Variants in PLPPR2 observed in about 807,000 individuals in gnomAD.
PLPPR2 encodes phospholipid phosphatase related 2.
A neutral mutation model predicts 40.3 loss-of-function variants in PLPPR2; 11 were observed. The observed-to-expected ratio is 0.27, with a 90% confidence interval of 0.17 to 0.45. The LOEUF is 0.45. Ranked by LOEUF, PLPPR2 falls within the 20% of genes least tolerant of loss-of-function variation. The probability of loss-of-function intolerance (pLI) is 1.00; values close to 1 mark genes in which losing one functional copy is unlikely to be tolerated. For missense variants in PLPPR2, 497 were observed against 640.7 expected, an observed-to-expected ratio of 0.78 and a Z score of 2.42; for synonymous variants, 260 against 290.8, an observed-to-expected ratio of 0.89 and a Z score of 1.08.
chr19:11,362,832 C>T lies in PLPPR2; in HGVS notation c.840+143C>T, dbSNP rs2144677963. On this transcript the variant is annotated intron_variant, in intron 7 of 9. Coordinates refer to ENST00000688289, the MANE Select transcript of PLPPR2 (RefSeq NM_001393892.1). The surrounding 1 kb of genome is among the most constrained non-coding windows in gnomAD (Gnocchi z 5.3). ...TAACATTACCCTTCCTGGATATTCT[C>T]ATCTGTGAAATGAGATACCAGGATC... The T allele has an allele frequency of 4.1e-6, 4 of 985,480 alleles. No individual in the cohort carries two copies. The highest frequency in any genetic ancestry group is 2.9e-5 in the Admixed American group (1 of 34,770). 61.0% of individuals were successfully genotyped at this position (985,480 alleles called of 1,614,324 possible).
At chr19:11,358,728 CTTTT>C (rs942291776) in intron 3 of PLPPR2, among the ~76,000 whole-genome samples, 14 of 136,958 alleles carry the variant, frequency 1.0e-4, no homozygotes, top group Non-Finnish European at 1.7e-4. Flanking sequence ...CTCTTTCTTT[CTTTT>C]GTGATGGAGT....
rs141461086 is a variant in PLPPR2, at chr19:11,359,841, G to A, written c.276G>A (p.Ala92=). 101 of 1,612,914 alleles carry A rather than the reference G, an allele frequency of 6.3e-5. No individual in the cohort carries two copies. The highest frequency in any genetic ancestry group is 1.9e-4 in the South Asian group (17 of 90,932). The change falls in exon 5 of 10, where the codon GCG becomes GCA. Residue 92 remains alanine, a synonymous_variant. Coordinates refer to ENST00000688289, the MANE Select transcript of PLPPR2 (RefSeq NM_001393892.1). The surrounding 1 kb of genome is among the most constrained non-coding windows in gnomAD (Gnocchi z 5.6). Reference sequence around the variant, plus strand: ...CACAGATCCTGCTGGGAGAGCTGGCGCGTGCCTTTTTCCCTGCACCACCTT... The same window carrying A: ...CACAGATCCTGCTGGGAGAGCTGGCACGTGCCTTTTTCCCTGCACCACCTT... ...PTLTILLGEL[A]RAFFPAPPSA...
chr19:11,359,651 G>T lies in PLPPR2; in HGVS notation c.186G>T (p.Gly62=). Reference sequence around the variant, plus strand: ...GTACCTACGCCAAGCCCTACCCAGGGCCTGAGGCTGCCAGCCGAGTGCCTC... The same window carrying T: ...GTACCTACGCCAAGCCCTACCCAGGTCCTGAGGCTGCCAGCCGAGTGCCTC... The part of the protein sequence containing the change: ...YDSTYAKPYP[G]PEAASRVPPA... Residue 62 remains glycine (G), a synonymous_variant, in exon 4 of 10, where the codon GGG becomes GGT. Coordinates refer to ENST00000688289, the MANE Select transcript of PLPPR2 (RefSeq NM_001393892.1). The surrounding 1 kb of genome is among the most constrained non-coding windows in gnomAD (Gnocchi z 5.6). 6.2e-7 allele frequency: 1 copy of T among 1,612,618 alleles called. No individual in the cohort carries two copies. Among genetic ancestry groups the T allele is most frequent in the Admixed American group, 1.7e-5 (1 of 59,794 alleles).
chr19:11,359,765 G>A lies in PLPPR2; in HGVS notation c.255+45G>A, dbSNP rs1967992271. The stretch of plus-strand genomic sequence containing the variant: ...CTAGGAGGCAGGTGGGCCGGTAAGG[G>A]TGGGTGAGGGGATGGGCTGGAAGGC... On this transcript the variant is annotated intron_variant, in intron 4 of 9. Coordinates refer to ENST00000688289, the MANE Select transcript of PLPPR2 (RefSeq NM_001393892.1). The surrounding 1 kb of genome is among the most constrained non-coding windows in gnomAD (Gnocchi z 5.6). The A allele has an allele frequency of 6.3e-7, 1 of 1,584,010 alleles. No homozygotes were observed. The highest frequency in any genetic ancestry group is 1.7e-5 in the Admixed American group (1 of 58,778).
Position 11,362,480 on chromosome 19 carries a change from C to T in PLPPR2, c.664-33C>T, listed in dbSNP as rs775531909. 24 of 1,605,362 alleles carry T rather than the reference C, an allele frequency of 1.5e-5. No homozygotes were observed. The highest frequency in any genetic ancestry group is 2.2e-5 in the East Asian group (1 of 44,892). On this transcript the variant is annotated intron_variant, in intron 6 of 9. Transcript: ENST00000688289. The surrounding 1 kb of genome is among the most constrained non-coding windows in gnomAD (Gnocchi z 5.3). ...CCACTTGGGTTCGGCGACTTGCCTC[C>T]GCTATCCCCCTGACCAGTCCGGCTC...
chr19:11,359,369 C>T lies in PLPPR2; in HGVS notation c.67-163C>T. ...CTTCTCTCACCTCCTTTCCCCATTT[C>T]TCTCAGTCTCTCTCCCCCTTGTCTC... On this transcript the variant is annotated intron_variant, in intron 3 of 9. Transcript: ENST00000688289. This position sits in a 1 kb window ranked among gnomAD's most constrained non-coding sequence, Gnocchi z 5.6. 1.7e-6 allele frequency: 1 copy of T among 571,568 alleles called. No homozygotes were observed. Among genetic ancestry groups the T allele is most frequent in the Non-Finnish European group, 2.8e-6 (1 of 353,122 alleles). The allele number at this position is 571,568 out of a possible 1,614,324, so 35.4% of individuals were successfully genotyped here.
rs745787749 is a variant in PLPPR2, at chr19:11,363,848, G to A, written c.963+13G>A. 3.1e-6 allele frequency: 5 copies of A among 1,608,162 alleles called. No individual in the cohort carries two copies. The highest frequency in any genetic ancestry group is 1.7e-5 in the Admixed American group (1 of 59,400). The stretch of plus-strand genomic sequence containing the variant: ...AAGTGTGGCGCAGGTAAGGGGGGCC[G>A]GGGGCTGCTCCCGGCTGGAGAGGGT... On this transcript the variant is annotated intron_variant, in intron 8 of 9. Coordinates refer to ENST00000688289, the MANE Select transcript of PLPPR2 (RefSeq NM_001393892.1). The surrounding 1 kb of genome is among the most constrained non-coding windows in gnomAD (Gnocchi z 4.8).
rs1967899134 is a variant in PLPPR2, at chr19:11,356,812, G to A, written c.-179G>A. ...CATATCACACTGCAGAGTGAGTGTC[G>A]TGGTTGGGGTGCTGGACCCAGAGTG... On this transcript the variant is annotated 5_prime_UTR_variant, in exon 2 of 10. In the 5' UTR this introduces an upstream ATG that the reference lacks. Transcript: ENST00000688289. 2 of 152,954 alleles carry A rather than the reference G, an allele frequency of 1.3e-5. No individual in the cohort carries two copies. Among genetic ancestry groups the A allele is most frequent in the South Asian group, 2.1e-4 (1 of 4,862 alleles). The allele number at this position is 152,954 out of a possible 1,614,324, so 9.5% of individuals were successfully genotyped here.
At position 11,364,815 on chromosome 19, in the gene PLPPR2, G is replaced by T. The variant is rs955390152; in HGVS notation, c.*125G>T. 3.1e-5 allele frequency: 34 copies of T among 1,110,338 alleles called. No homozygotes were observed. In the African/African-American group the frequency reaches 4.7e-4, roughly 15 times the overall value. The allele number at this position is 1,110,338 out of a possible 1,614,324, so 68.8% of individuals were successfully genotyped here. ...AGCCAGCCAGACCCAGACATTAGAA[G>T]ATGGCTAGAAGGACATTTAGGAGAC... On this transcript the variant is annotated 3_prime_UTR_variant, in exon 10 of 10. Coordinates refer to ENST00000688289, the MANE Select transcript of PLPPR2 (RefSeq NM_001393892.1). This position sits in a 1 kb window ranked among gnomAD's most constrained non-coding sequence, Gnocchi z 5.8.
rs1024840763 is a variant in PLPPR2, at chr19:11,363,180, C to T, written c.840+491C>T. 2.6e-5 allele frequency among the ~76,000 whole-genome samples: 4 copies of T among 151,476 alleles called. No homozygotes were observed. The highest frequency in any genetic ancestry group is 2.6e-4 in the Admixed American group (4 of 15,158). On this transcript the variant is annotated intron_variant, in intron 7 of 9. Coordinates refer to ENST00000688289, the MANE Select transcript of PLPPR2 (RefSeq NM_001393892.1). This position sits in a 1 kb window ranked among gnomAD's most constrained non-coding sequence, Gnocchi z 4.8. ...ATAGTAGTCCCAGCTACTTGGGAGGCTGAGGCAGAAGAATCGCTTGAACCC... is the reference window on the plus strand; with the variant it reads ...ATAGTAGTCCCAGCTACTTGGGAGGTTGAGGCAGAAGAATCGCTTGAACCC...
Position 11,362,771 on chromosome 19 carries a change from A to G in PLPPR2, c.840+82A>G. 1 of 1,482,428 alleles carries G rather than the reference A, an allele frequency of 6.7e-7. No individual in the cohort carries two copies. Among genetic ancestry groups the G allele is most frequent in the South Asian group, 1.3e-5 (1 of 78,590 alleles). The allele number at this position is 1,482,428 out of a possible 1,614,324, so 91.8% of individuals were successfully genotyped here. A position where few individuals can be genotyped will look rare whatever the true frequency, so the allele number is the denominator to read the frequency against. ...AAGAGGCAGGACCACATGATGGAGA[A>G]GGGTGTGGACTCTGTGTGACCTTGG... On this transcript the variant is annotated intron_variant, in intron 7 of 9. Transcript: ENST00000688289. This position sits in a 1 kb window ranked among gnomAD's most constrained non-coding sequence, Gnocchi z 5.3.
rs1378290223 is a variant in PLPPR2, at chr19:11,362,464, T to A, written c.664-49T>A. ...GCCCAGAAAGGAGCGTCCACTTGGG[T>A]TCGGCGACTTGCCTCCGCTATCCCC... On this transcript the variant is annotated intron_variant, in intron 6 of 9. Coordinates refer to ENST00000688289, the MANE Select transcript of PLPPR2 (RefSeq NM_001393892.1). The surrounding 1 kb of genome is among the most constrained non-coding windows in gnomAD (Gnocchi z 5.3). 6.2e-7 allele frequency: 1 copy of A among 1,601,798 alleles called. No homozygotes were observed. The highest frequency in any genetic ancestry group is 2.2e-5 in the East Asian group (1 of 44,856).
chr19:11,358,027 CTCTGTGTG>C (rs1377087565), intron 3 of PLPPR2, among the ~76,000 whole-genome samples: 1 of 92,426 alleles, frequency 1.1e-5, no homozygotes, highest in Non-Finnish European at 2.0e-5. Flanking sequence ...TAGGGCTGTT[CTCTGTGTG>C]TGTGTGTGTG....
chr19:11,355,945 TTG>T (rs573613618), intron 1 of PLPPR2, among the ~76,000 whole-genome samples: 2 of 150,974 alleles, frequency 1.3e-5, no homozygotes, highest in African/African-American at 2.4e-5. Flanking sequence ...CTCTGATGGT[TTG>T]TGTGTGTGTG....
chr19:11,364,269 G>A lies in PLPPR2; in HGVS notation c.1015+57G>A. 2 of 1,577,236 alleles carry A rather than the reference G, an allele frequency of 1.3e-6. No homozygotes were observed. Among genetic ancestry groups the A allele is most frequent in the East Asian group, 2.3e-5 (1 of 44,312 alleles). Reference sequence around the variant, plus strand: ...GGGGACTTCCAGGTGGGCAGCCACTGCCCCAGAGGTCTCACCTAGGCCTTT... The same window carrying A: ...GGGGACTTCCAGGTGGGCAGCCACTACCCCAGAGGTCTCACCTAGGCCTTT... On this transcript the variant is annotated intron_variant, in intron 9 of 9. Coordinates refer to ENST00000688289, the MANE Select transcript of PLPPR2 (RefSeq NM_001393892.1). The surrounding 1 kb of genome is among the most constrained non-coding windows in gnomAD (Gnocchi z 5.8).
intron 3 of PLPPR2, among the ~76,000 whole-genome samples, chr19:11,358,157 C>G (rs770542241): frequency 1.3e-4 from 20 of 152,062 alleles, no homozygotes; most frequent in Non-Finnish European, 2.5e-4. Context: ...TGGGCTCAAG[C>G]AATTCTCCTA....
At position 11,357,330 on chromosome 19, in the gene PLPPR2, G is replaced by C. The variant is rs116789178; in HGVS notation, c.-14-330G>C. On this transcript the variant is annotated intron_variant, in intron 2 of 9. Coordinates refer to ENST00000688289, the MANE Select transcript of PLPPR2 (RefSeq NM_001393892.1). ...AGTGCCATGGGGGAGGGGTTCCCAT[G>C]AGGCTGGGGAGTCTCTTCTAAAGGC... 9.0e-3 allele frequency among the ~76,000 whole-genome samples: 1,369 copies of C among 152,172 alleles called. 23 individuals are homozygous for C. The highest frequency in any genetic ancestry group is 0.032 in the African/African-American group (1,309 of 41,494).
chr19:11,363,619 C>T lies in PLPPR2; in HGVS notation c.841-94C>T. 2 of 1,425,236 alleles carry T rather than the reference C, an allele frequency of 1.4e-6. No homozygotes were observed. Among genetic ancestry groups the T allele is most frequent in the Non-Finnish European group, 1.9e-6 (2 of 1,072,948 alleles). The allele number at this position is 1,425,236 out of a possible 1,614,324, so 88.3% of individuals were successfully genotyped here. On this transcript the variant is annotated intron_variant, in intron 7 of 9. Transcript: ENST00000688289. This position sits in a 1 kb window ranked among gnomAD's most constrained non-coding sequence, Gnocchi z 4.8. ...ATTAGCTGTTTTTGAAAACCGGAGC[C>T]TCACTTTCCTTATCTGAAAAATGGG...
At chr19:11,357,561 G>A in intron 2 of PLPPR2, 99 bp from the exon 3 acceptor site, 3 of 787,394 alleles carry the variant, frequency 3.8e-6, no homozygotes, top group Non-Finnish European at 5.8e-6. Context: ...GGCCAGGGGT[G>A]TGGCCAAAGG....
Sources: gnomAD v4.1 joint callset for allele counts (sites outside exome capture counted in the v4.1 genomes callset) on GRCh38, gnomAD v4.1.1 for gene constraint, Gnocchi (gnomAD v3.1) non-coding constraint, MANE v1.5 for transcripts, NCBI Gene and HGNC (gene_info 2026-07-23, HGNC 2026-07-21) for gene names.